The following GALNTL6 variants were observed in gnomAD, a reference collection of about 807,000 sequenced individuals.
GALNTL6 encodes the protein polypeptide N-acetylgalactosaminyltransferase-like 6.
A neutral mutation model predicts 73.7 loss-of-function variants in GALNTL6; 46 were observed. The ratio of observed to expected loss-of-function variants is 0.62; its 90% confidence interval spans 0.49 to 0.80. The LOEUF is 0.80. Ranked by LOEUF, GALNTL6 falls within the 30% of genes least tolerant of loss-of-function variation. The pLI, the probability that GALNTL6 is intolerant of heterozygous loss-of-function variation, is 0.00. For missense variants in GALNTL6, 604 were observed against 755.0 expected, an observed-to-expected ratio of 0.80 and a Z score of 2.34; for synonymous variants, 259 against 263.7, an observed-to-expected ratio of 0.98 and a Z score of 0.17.
chr4:172,656,845 A>G (rs903286515), intron 5 of GALNTL6, among the ~76,000 whole-genome samples: 9 of 152,252 alleles, frequency 5.9e-5, no homozygotes, highest in Admixed American at 4.6e-4. Flanking sequence ...GGGGAAAGAA[A>G]AATGTGCTTG....
chr4:172,025,112 G>A (rs1172834891), intron 2 of GALNTL6, among the ~76,000 whole-genome samples: 2 of 151,934 alleles, frequency 1.3e-5, no homozygotes, highest in South Asian at 4.1e-4. Context: ...ATTTAGGTAG[G>A]TCAAGGGGTT....
chr4:172,330,972 A>T (rs1741104402), intron 4 of GALNTL6, among the ~76,000 whole-genome samples: 1 of 151,936 alleles, frequency 6.6e-6, no homozygotes, highest in Non-Finnish European at 1.5e-5. Context: ...TAACCAACTT[A>T]TTTTCATCTC....
chr4:172,330,806 A>G (rs1741098072), intron 4 of GALNTL6, among the ~76,000 whole-genome samples: 1 of 152,060 alleles, frequency 6.6e-6, no homozygotes, highest in African/African-American at 2.4e-5. Flanking sequence ...TTAAGTACAT[A>G]TATATTAGGC....
At chr4:172,721,172 C>A (rs1735450518) in intron 5 of GALNTL6, among the ~76,000 whole-genome samples, 1 of 152,134 alleles carries the variant, frequency 6.6e-6, no homozygotes, top group Non-Finnish European at 1.5e-5. Flanking sequence ...GCATAAATGT[C>A]ACTTATTAGT....
chr4:172,893,646 G>A (rs113989778), intron 8 of GALNTL6, among the ~76,000 whole-genome samples: 88 of 152,340 alleles, frequency 5.8e-4, no homozygotes, highest in African/African-American at 2.0e-3. Flanking sequence ...CCCGTCCCAC[G>A]GAAGAAATAG....
intron 1 of GALNTL6, 146 bp downstream of exon 1, chr4:171,814,136 T>TCCA (rs1734458028): frequency 5.2e-6 from 1 of 191,374 alleles, no homozygotes; most frequent in South Asian, 1.0e-4. Flanking sequence ...CCTAACCCGC[T>TCCA]CCACCCCGAC....
intron 2 of GALNTL6, among the ~76,000 whole-genome samples, chr4:172,173,883 A>G (rs1420833051): frequency 6.6e-6 from 1 of 152,142 alleles, no homozygotes; most frequent in East Asian, 1.9e-4. Flanking sequence ...AAAACACAGT[A>G]AGCAGGGTAC....
intron 5 of GALNTL6, among the ~76,000 whole-genome samples, chr4:172,494,019 A>G (rs1210161903): frequency 2.0e-5 from 3 of 152,174 alleles, no homozygotes; most frequent in East Asian, 3.9e-4. Flanking sequence ...TAACCTATAT[A>G]TTTTACCTGT....
At chr4:172,326,277 G>A (rs1740938214) in intron 4 of GALNTL6, among the ~76,000 whole-genome samples, 2 of 151,970 alleles carry the variant, frequency 1.3e-5, no homozygotes, top group Non-Finnish European at 2.9e-5. Flanking sequence ...TAAGAAAGCA[G>A]AAAGAGAAGA....
intron 5 of GALNTL6, among the ~76,000 whole-genome samples, chr4:172,518,765 G>A (rs1734687387): frequency 6.6e-6 from 1 of 151,912 alleles, no homozygotes; most frequent in South Asian, 2.1e-4. Context: ...TGCAATTACT[G>A]TTCAATAGTA....
At chr4:172,853,036 A>C (rs1356082849) in intron 7 of GALNTL6, among the ~76,000 whole-genome samples, 2 of 152,200 alleles carry the variant, frequency 1.3e-5, no homozygotes, top group Non-Finnish European at 2.9e-5. Flanking sequence ...AAAATTAACG[A>C]CTTAAACAAC....
intron 3 of GALNTL6, among the ~76,000 whole-genome samples, chr4:172,302,069 C>T (rs948036812): frequency 1.1e-4 from 16 of 152,282 alleles, no homozygotes; most frequent in East Asian, 1.9e-4. Flanking sequence ...TCAGCAATGG[C>T]GGGCACCCCT....
chr4:171,984,063 T>C (rs748936172), intron 2 of GALNTL6, among the ~76,000 whole-genome samples: 2 of 152,120 alleles, frequency 1.3e-5, no homozygotes, highest in Non-Finnish European at 2.9e-5. Flanking sequence ...TAGGGGCCCC[T>C]TGACCACTCC....
At chr4:172,802,145 C>A (rs1579501452) in intron 5 of GALNTL6, among the ~76,000 whole-genome samples, 1 of 152,138 alleles carries the variant, frequency 6.6e-6, no homozygotes, top group Non-Finnish European at 1.5e-5. Context: ...ATTCTCCAAT[C>A]CCTTTATATC....
chr4:172,209,415 T>A (rs1284531769), intron 2 of GALNTL6, among the ~76,000 whole-genome samples: 4 of 146,066 alleles, frequency 2.7e-5, no homozygotes, highest in African/African-American at 1.0e-4. Flanking sequence ...ACTATCTTTC[T>A]AAGAAAGGAG....
chr4:172,864,766 T>C lies in GALNTL6; in HGVS notation c.924-18024T>C, dbSNP rs966292098. Among the ~76,000 whole-genome samples the C allele has an allele frequency of 3.9e-5, 6 of 152,362 alleles. No individual in the cohort carries two copies. In the East Asian group the frequency reaches 7.7e-4, roughly 20 times the overall value. Reference sequence around the variant, plus strand: ...TATCACATATATTAGATTGGGTTTATAGAATATTTGTTTCCTCTTTTCCTT... The same window carrying C: ...TATCACATATATTAGATTGGGTTTACAGAATATTTGTTTCCTCTTTTCCTT... On this transcript the variant is annotated intron_variant, in intron 7 of 12. Transcript: ENST00000506823.
intron 5 of GALNTL6, among the ~76,000 whole-genome samples, chr4:172,529,415 T>C (rs999089279): frequency 6.6e-6 from 1 of 152,154 alleles, no homozygotes; most frequent in Non-Finnish European, 1.5e-5. Context: ...GATGGCATCG[T>C]ACTCTTCCTT....
In GALNTL6 at chr4:171,926,672, A is replaced by G. The variant is rs556932387; in HGVS notation, c.138+111954A>G. On this transcript the variant is annotated intron_variant, in intron 2 of 12. Transcript: ENST00000506823. ...CTATCTGTTGGATATGCAGGATATC[A>G]TTTTCTTCATAATTTGTATTTACTT... 3.3e-5 allele frequency among the ~76,000 whole-genome samples: 5 copies of G among 152,130 alleles called. No individual in the cohort carries two copies. In the South Asian group the frequency reaches 1.0e-3, roughly 32 times the overall value.
intron 5 of GALNTL6, among the ~76,000 whole-genome samples, chr4:172,418,461 C>T (rs1036765977): frequency 6.6e-6 from 1 of 152,128 alleles, no homozygotes; most frequent in Non-Finnish European, 1.5e-5. Context: ...CCCCTTTGGT[C>T]TGAGCTCCAA....
Sources: allele counts gnomAD v4.1 joint callset (sites outside exome capture counted in the v4.1 genomes callset), GRCh38; gene constraint gnomAD v4.1.1; transcripts MANE v1.5; gene names NCBI Gene and HGNC (gene_info 2026-07-23, HGNC 2026-07-21).